The following TNFSF13B variants were observed in gnomAD, a reference collection of about 807,000 sequenced individuals.
TNFSF13B encodes the protein TNF superfamily member 13b, also known as tumor necrosis factor ligand superfamily member 13B.
A neutral mutation model predicts 29.1 loss-of-function variants in TNFSF13B; 8 were observed. That is an observed-to-expected ratio of 0.27 (90% CI 0.16 to 0.50). The LOEUF is 0.50. Ranked by LOEUF, TNFSF13B falls within the 20% of genes least tolerant of loss-of-function variation. The pLI, the probability that TNFSF13B is intolerant of heterozygous loss-of-function variation, is 0.98. For synonymous variants in TNFSF13B, 125 were observed against 130.8 expected, an observed-to-expected ratio of 0.96 and a Z score of 0.30; for missense variants, 248 against 334.9, an observed-to-expected ratio of 0.74 and a Z score of 2.03.
intron 3 of TNFSF13B, among the ~76,000 whole-genome samples, chr13:108,299,522 G>A (rs1402071014): frequency 2.6e-5 from 4 of 151,554 alleles, no homozygotes; most frequent in Non-Finnish European, 5.9e-5. Context: ...TCCTTGTCCT[G>A]TGTGGACACA....
intron 3 of TNFSF13B, among the ~76,000 whole-genome samples, chr13:108,302,366 T>C (rs1447546824): frequency 6.6e-6 from 1 of 152,174 alleles, no homozygotes; most frequent in Non-Finnish European, 1.5e-5. Context: ...ATCATTTAAT[T>C]TATACTCCCC....
chr13:108,286,632 T>C (rs1594524508), intron 2 of TNFSF13B, among the ~76,000 whole-genome samples, 171 bp from the exon 3 acceptor site: 1 of 152,208 alleles, frequency 6.6e-6, no homozygotes, highest in Middle Eastern at 3.4e-3. Flanking sequence ...ATATATCATA[T>C]ATATAAATCA....
chr13:108,300,292 T>A (rs1218813774), intron 3 of TNFSF13B, among the ~76,000 whole-genome samples: 1 of 152,202 alleles, frequency 6.6e-6, no homozygotes, highest in East Asian at 1.9e-4. Flanking sequence ...AATAAATATT[T>A]GCTGCATGTC....
At chr13:108,284,354 ATGAATAAATAAACAAACAAACAAAC>A (rs1881058620) in intron 2 of TNFSF13B, among the ~76,000 whole-genome samples, 1 of 103,162 alleles carries the variant, frequency 9.7e-6, no homozygotes, top group Admixed American at 1.4e-4. Context: ...AAATAAATAA[ATGAATAAATAAACAAACAAACAAAC>A]AAACAAACAA....
intron 2 of TNFSF13B, among the ~76,000 whole-genome samples, chr13:108,270,749 A>G (rs61972008): frequency 0.095 from 14,474 of 152,132 alleles, 952 homozygotes; most frequent in Non-Finnish European, 0.14. Context: ...CTCCCATGTG[A>G]GAAGCATTAT....
chr13:108,277,515 C>T (rs1025579095), intron 2 of TNFSF13B, among the ~76,000 whole-genome samples: 9 of 152,048 alleles, frequency 5.9e-5, no homozygotes, highest in South Asian at 2.1e-4. Context: ...CCGATCCAGA[C>T]CCCCGGAGAG....
At chr13:108,285,066 A>G (rs1881084743) in intron 2 of TNFSF13B, among the ~76,000 whole-genome samples, 1 of 152,190 alleles carries the variant, frequency 6.6e-6, no homozygotes, top group Non-Finnish European at 1.5e-5. Context: ...TTTCTTGTAT[A>G]AGATTAATAA....
In TNFSF13B at chr13:108,307,045, A is replaced by C. The variant is rs974263113; in HGVS notation, c.*107A>C. ...AAAAAAAAAAAAAAAAAAAAAAAAA[A>C]AAGTAGTTACCATTGCCTTTTCTGT... is the stretch of plus-strand genomic sequence containing the variant. On this transcript the variant is annotated 3_prime_UTR_variant, in exon 6 of 6. Coordinates refer to ENST00000375887, the MANE Select transcript of TNFSF13B (RefSeq NM_006573.5). 5 of 629,344 alleles carry C rather than the reference A, an allele frequency of 7.9e-6. No homozygotes were observed. The East Asian group carries it at 1.5e-4, about 19-fold the overall frequency. The allele number at this position is 629,344 out of a possible 1,614,324, so 39.0% of individuals were successfully genotyped here. A position where few individuals can be genotyped will look rare whatever the true frequency, so the allele number is the denominator to read the frequency against.
intron 2 of TNFSF13B, among the ~76,000 whole-genome samples, chr13:108,273,601 G>T (rs1240936135): frequency 1.3e-5 from 2 of 152,172 alleles, no homozygotes; most frequent in Non-Finnish European, 2.9e-5. Context: ...ACTGCAGTGA[G>T]CTCAAGTGCT....
chr13:108,278,619 T>C (rs1457092070), intron 2 of TNFSF13B, among the ~76,000 whole-genome samples: 2 of 96,560 alleles, frequency 2.1e-5, no homozygotes, highest in South Asian at 4.1e-4. Context: ...CCCCTTCTCT[T>C]CCTCCTCCTC....
In TNFSF13B at chr13:108,307,016, C is replaced by CAAAAATAAAAAAAAA; in HGVS notation, c.*83_*84insTAAAAAAAAAAAAAA. ...GAAGAAAGAATCTAACTGAAAATAC[C>CAAAAATAAAAAAAAA]AAAAAAAAAAAAAAAAAAAAAAAAA... On this transcript the variant is annotated 3_prime_UTR_variant, in exon 6 of 6. Coordinates refer to ENST00000375887, the MANE Select transcript of TNFSF13B (RefSeq NM_006573.5). 1 of 73,768 alleles carries CAAAAATAAAAAAAAA rather than the reference C, an allele frequency of 1.4e-5. No individual in the cohort carries two copies. The highest frequency in any genetic ancestry group is 2.5e-5 in the Non-Finnish European group (1 of 39,448). The allele number at this position is 73,768 out of a possible 1,614,324, so 4.6% of individuals were successfully genotyped here.
chr13:108,285,366 CTGCATCCCTGGGCAATTTCATCATTG>C (rs1881095749), intron 2 of TNFSF13B, among the ~76,000 whole-genome samples: 1 of 152,146 alleles, frequency 6.6e-6, no homozygotes. Context: ...GGGATACATT[CTGCATCCCTGGGCAATTTCATCATTG>C]TGCAAACATC....
intron 3 of TNFSF13B, among the ~76,000 whole-genome samples, chr13:108,291,540 T>G (rs1341096438): frequency 6.6e-6 from 1 of 151,938 alleles, no homozygotes; most frequent in African/African-American, 2.4e-5. Context: ...GGTTGTTCTT[T>G]TTGTGTATAA....
chr13:108,300,335 G>T (rs1478926521), intron 3 of TNFSF13B, among the ~76,000 whole-genome samples: 1 of 152,090 alleles, frequency 6.6e-6, no homozygotes, highest in Non-Finnish European at 1.5e-5. Context: ...TAAGCCCTGG[G>T]AAAATGACAG....
chr13:108,278,666 TCTC>T (rs1250713021), intron 2 of TNFSF13B, among the ~76,000 whole-genome samples: 3 of 4,456 alleles, frequency 6.7e-4, no homozygotes, highest in African/African-American at 2.0e-3. Context: ...CTCCTCCTCC[TCTC>T]CTCCTCTCCT....
intron 2 of TNFSF13B, among the ~76,000 whole-genome samples, chr13:108,277,375 G>A (rs1880790916): frequency 6.6e-6 from 1 of 152,130 alleles, no homozygotes; most frequent in Non-Finnish European, 1.5e-5. Flanking sequence ...TTTCGCAGCA[G>A]TATGAAATGG....
intron 3 of TNFSF13B, among the ~76,000 whole-genome samples, chr13:108,295,499 A>T (rs1449904735): frequency 7.0e-6 from 1 of 143,450 alleles, no homozygotes; most frequent in Non-Finnish European, 1.5e-5. Context: ...TCCTTTTTGT[A>T]CTCTTTATTC....
At position 108,270,178 on chromosome 13, in the gene TNFSF13B, G is replaced by A. The variant is rs781317409; in HGVS notation, c.283G>A (p.Ala95Thr). ...CCACGCGGAGAAGCTGCCAGCAGGA[G>A]CAGGAGCCCCCAAGGCCGGCCTGGA... Reference protein sequence around the residue: ...GHHAEKLPAGAGAPKAGLEEA... With the variant: ...GHHAEKLPAGTGAPKAGLEEA... Residue 95 changes from alanine to threonine, a missense_variant, in exon 1 of 6, where the codon GCA becomes ACA. By Grantham distance (58) the Ala-to-Thr change is moderately conservative. Coordinates refer to ENST00000375887, the MANE Select transcript of TNFSF13B (RefSeq NM_006573.5). 1.0e-5 allele frequency: 16 copies of A among 1,602,014 alleles called. No homozygotes were observed. In the Admixed American group the frequency reaches 2.3e-4, roughly 23 times the overall value.
rs1881814738 is a variant in TNFSF13B at position 108,307,539 on chromosome 13, CTT to C, written c.*604_*605del. 1 of 151,750 alleles carries C rather than the reference CTT, an allele frequency of 6.6e-6. No homozygotes were observed. Among genetic ancestry groups the C allele is most frequent in the African/African-American group, 2.4e-5 (1 of 41,330 alleles). 9.4% of individuals were successfully genotyped at this position (151,750 alleles called of 1,614,324 possible). A position where few individuals can be genotyped will look rare whatever the true frequency, so the allele number is the denominator to read the frequency against. On this transcript the variant is annotated 3_prime_UTR_variant, in exon 6 of 6. Coordinates refer to ENST00000375887, the MANE Select transcript of TNFSF13B (RefSeq NM_006573.5). ...AATAGTATCCATATACTATTTAAGT[CTT>C]TTATGGTTATTTCAAGTATACAATT...
Sources: allele counts gnomAD v4.1 joint callset (sites outside exome capture counted in the v4.1 genomes callset), GRCh38; gene constraint gnomAD v4.1.1; transcripts MANE v1.5; gene names NCBI Gene and HGNC (gene_info 2026-07-23, HGNC 2026-07-21).